Variants in CADPS2 observed in about 807,000 individuals in gnomAD.
CADPS2 encodes calcium dependent secretion activator 2, also known as calcium-dependent secretion activator 2.
Under a neutral mutation model 172.5 loss-of-function variants are expected in CADPS2, and 93 were observed. The observed-to-expected ratio is 0.54, with a 90% CI of 0.46 to 0.64. The LOEUF (loss-of-function observed/expected upper bound fraction) is 0.64. Among genes scored for constraint, CADPS2 ranks in the 30% least tolerant of loss-of-function variants. CADPS2 has a pLI of 0.00. For synonymous variants in CADPS2, 546 were observed against 555.2 expected, an observed-to-expected ratio of 0.98 and a Z score of 0.23; for missense variants, 1,420 against 1,565.9, an observed-to-expected ratio of 0.91 and a Z score of 1.57.
At chr7:122,646,472 T>C (rs893755803) in intron 3 of CADPS2, among the ~76,000 whole-genome samples, 10 of 152,044 alleles carry the variant, frequency 6.6e-5, no homozygotes, top group Non-Finnish European at 1.5e-4. Context: ...GCAGGAAGGC[T>C]TTCTGAAGGA....
At chr7:122,707,235 G>A (rs1045745478) in intron 2 of CADPS2, among the ~76,000 whole-genome samples, 3 of 151,878 alleles carry the variant, frequency 2.0e-5, no homozygotes, top group African/African-American at 4.8e-5. Flanking sequence ...ACACAACATG[G>A]CTCTGACCTT....
At chr7:122,805,992 A>G (rs1044623699) in intron 1 of CADPS2, among the ~76,000 whole-genome samples, 5 of 152,202 alleles carry the variant, frequency 3.3e-5, no homozygotes, top group Admixed American at 2.0e-4. Context: ...GGATTTTTAT[A>G]TGTATTAATA....
intron 28 of CADPS2, among the ~76,000 whole-genome samples, chr7:122,344,572 A>C (rs1211161444): frequency 6.6e-6 from 1 of 152,232 alleles, no homozygotes; most frequent in Non-Finnish European, 1.5e-5. Context: ...AGCACATATC[A>C]GTACTTTAAA....
intron 27 of CADPS2, among the ~76,000 whole-genome samples, chr7:122,353,569 G>A (rs1001362983): frequency 5.9e-5 from 9 of 152,268 alleles, no homozygotes; most frequent in South Asian, 4.1e-4. Context: ...GGTATGCAGC[G>A]TGTGTGATAA....
At chr7:122,340,252 G>A (rs2036568277) in intron 28 of CADPS2, among the ~76,000 whole-genome samples, 1 of 152,088 alleles carries the variant, frequency 6.6e-6, no homozygotes, top group Non-Finnish European at 1.5e-5. Flanking sequence ...TTGTGGAGAT[G>A]AAACTCCTCC....
intron 7 of CADPS2, among the ~76,000 whole-genome samples, chr7:122,576,092 C>T (rs1228369546): frequency 6.6e-6 from 1 of 152,142 alleles, no homozygotes; most frequent in Non-Finnish European, 1.5e-5. Context: ...TGTCATGTCT[C>T]CTTAGTCTCC....
intron 7 of CADPS2, among the ~76,000 whole-genome samples, chr7:122,567,690 A>AG (rs1245862093): frequency 2.6e-5 from 4 of 152,172 alleles, no homozygotes; most frequent in African/African-American, 7.2e-5. Context: ...AAATGATGGG[A>AG]GGGAAGAACT....
intron 9 of CADPS2, among the ~76,000 whole-genome samples, chr7:122,496,038 T>C (rs1417760705): frequency 6.6e-6 from 1 of 152,210 alleles, no homozygotes; most frequent in Non-Finnish European, 1.5e-5. Flanking sequence ...TTGCCAGAGA[T>C]TTATTCACCT....
intron 14 of CADPS2, among the ~76,000 whole-genome samples, chr7:122,467,695 T>C (rs1302676314): frequency 1.3e-5 from 2 of 152,162 alleles, no homozygotes; most frequent in African/African-American, 4.8e-5. Context: ...TTACATTAAA[T>C]TGGGACATAA....
chr7:122,866,232 A>G (rs575916033), intron 1 of CADPS2, among the ~76,000 whole-genome samples: 2 of 152,366 alleles, frequency 1.3e-5, no homozygotes, highest in East Asian at 3.9e-4. Flanking sequence ...AACTTAAATA[A>G]TATTGAGTAA....
At chr7:122,412,375 G>T (rs1400535463) in intron 19 of CADPS2, among the ~76,000 whole-genome samples, 1 of 152,068 alleles carries the variant, frequency 6.6e-6, no homozygotes, top group African/African-American at 2.4e-5. Flanking sequence ...AGAGGAATAA[G>T]GGTACACACA....
At chr7:122,337,162 CAA>C (rs1171939095) in intron 28 of CADPS2, among the ~76,000 whole-genome samples, 3 of 152,144 alleles carry the variant, frequency 2.0e-5, no homozygotes, top group African/African-American at 7.2e-5. Flanking sequence ...GACAATAAGG[CAA>C]AATTAGGTGG....
intron 1 of CADPS2, among the ~76,000 whole-genome samples, chr7:122,835,094 G>A (rs1807935286): frequency 6.6e-6 from 1 of 152,184 alleles, no homozygotes; most frequent in Non-Finnish European, 1.5e-5. Flanking sequence ...AGCTTCCAGA[G>A]GAATGATCAG....
At chr7:122,547,433 G>C (rs951674163) in intron 8 of CADPS2, among the ~76,000 whole-genome samples, 1 of 152,112 alleles carries the variant, frequency 6.6e-6, no homozygotes, top group Admixed American at 6.6e-5. Flanking sequence ...GTACCAATTA[G>C]ATAATTTGAA....
At chr7:122,821,718 AC>A (rs1488019712) in intron 1 of CADPS2, among the ~76,000 whole-genome samples, 2 of 152,066 alleles carry the variant, frequency 1.3e-5, no homozygotes, top group East Asian at 1.9e-4. Context: ...ATTCTGTGAA[AC>A]CTTTATATCC....
chr7:122,382,548 A>G (rs2043144356), intron 24 of CADPS2, among the ~76,000 whole-genome samples: 1 of 152,158 alleles, frequency 6.6e-6, no homozygotes, highest in South Asian at 2.1e-4. Flanking sequence ...CACAGGTAAA[A>G]GTTTATCTGC....
At chr7:122,778,538 A>T (rs1489014151) in intron 1 of CADPS2, among the ~76,000 whole-genome samples, 2 of 152,154 alleles carry the variant, frequency 1.3e-5, no homozygotes, top group African/African-American at 4.8e-5. Context: ...TCATAGGCCC[A>T]GAGGCCTGGA....
At chr7:122,609,872 A>G (rs2074074271) in intron 6 of CADPS2, among the ~76,000 whole-genome samples, 1 of 152,202 alleles carries the variant, frequency 6.6e-6, no homozygotes, top group Non-Finnish European at 1.5e-5. Context: ...CGTGTCTGAG[A>G]CATAATCCAC....
intron 1 of CADPS2, among the ~76,000 whole-genome samples, chr7:122,868,750 G>C (rs984895791): frequency 6.6e-6 from 1 of 152,202 alleles, no homozygotes; most frequent in African/African-American, 2.4e-5. Context: ...ATGGAGATAT[G>C]TTTCTGACCA....
Sources: gnomAD v4.1 joint callset for allele counts (sites outside exome capture counted in the v4.1 genomes callset) on GRCh38, gnomAD v4.1.1 for gene constraint, MANE v1.5 for transcripts, NCBI Gene and HGNC (gene_info 2026-07-23, HGNC 2026-07-21) for gene names.